Variants in LRMDA observed in about 807,000 individuals in gnomAD.
LRMDA encodes leucine-rich melanocyte differentiation-associated protein.
Under a neutral mutation model 29.8 loss-of-function variants are expected in LRMDA, and 18 were observed. That is an observed-to-expected ratio of 0.60 (90% CI 0.42 to 0.90). LRMDA has a LOEUF of 0.90. LRMDA is among the 40% of genes least tolerant of loss of function. The pLI is 0.00. For missense variants in LRMDA, 273 were observed against 273.9 expected, an observed-to-expected ratio of 1.00 and a Z score of 0.02; for synonymous variants, 125 against 109.4, an observed-to-expected ratio of 1.14 and a Z score of -0.89.
At chr10:76,396,174 T>A (rs1169571597) in intron 6 of LRMDA, among the ~76,000 whole-genome samples, 1 of 152,126 alleles carries the variant, frequency 6.6e-6, no homozygotes, top group Non-Finnish European at 1.5e-5. Flanking sequence ...GTTTCCTGTG[T>A]CAGATGATAC....
intron 2 of LRMDA, among the ~76,000 whole-genome samples, chr10:75,627,759 G>T (rs75356075): frequency 0.018 from 2,807 of 152,310 alleles, 76 homozygotes; most frequent in African/African-American, 0.064. Context: ...CTATGGGCTT[G>T]CTTCCAATCT....
At chr10:75,782,155 T>C (rs1336670425) in intron 2 of LRMDA, among the ~76,000 whole-genome samples, 1 of 152,210 alleles carries the variant, frequency 6.6e-6, no homozygotes, top group Non-Finnish European at 1.5e-5. Context: ...TCTTGAGGCT[T>C]TGTGATGGCC....
intron 5 of LRMDA, among the ~76,000 whole-genome samples, chr10:76,244,672 G>T (rs1852341967): frequency 6.6e-6 from 1 of 152,100 alleles, no homozygotes; most frequent in South Asian, 2.1e-4. Flanking sequence ...CACATGGGAG[G>T]GGAGTGCGTA....
intron 2 of LRMDA, among the ~76,000 whole-genome samples, chr10:75,473,056 G>A (rs761807672): frequency 1.1e-4 from 16 of 152,232 alleles, no homozygotes; most frequent in Non-Finnish European, 1.9e-4. Flanking sequence ...CAGTTCTAGA[G>A]GTTTGCATCT....
At chr10:76,482,511 C>A (rs1056060033) in intron 6 of LRMDA, among the ~76,000 whole-genome samples, 7 of 151,876 alleles carry the variant, frequency 4.6e-5, no homozygotes, top group African/African-American at 1.4e-4. Context: ...CATGTTGTTG[C>A]ATGTAGCAGA....
At chr10:76,058,876 G>A in intron 5 of LRMDA, 93 bp downstream of exon 5, 3 of 974,982 alleles carry the variant, frequency 3.1e-6, no homozygotes, top group Non-Finnish European at 3.3e-6. Context: ...TGAGTGTTTA[G>A]AATGCAGTTG....
chr10:75,862,553 G>C (rs1844949976), intron 2 of LRMDA, among the ~76,000 whole-genome samples: 1 of 152,176 alleles, frequency 6.6e-6, no homozygotes, highest in Non-Finnish European at 1.5e-5. Flanking sequence ...ATCATTTCAA[G>C]TCATTAGGCG....
chr10:76,522,148 T>A (rs1007015686), intron 6 of LRMDA, among the ~76,000 whole-genome samples: 1 of 152,202 alleles, frequency 6.6e-6, no homozygotes, highest in Non-Finnish European at 1.5e-5. Context: ...TAAACATGTG[T>A]ATATTGAGTT....
At chr10:75,485,240 GA>G (rs1282801400) in intron 2 of LRMDA, among the ~76,000 whole-genome samples, 1 of 152,084 alleles carries the variant, frequency 6.6e-6, no homozygotes, top group Non-Finnish European at 1.5e-5. Flanking sequence ...ATAAAGTTGA[GA>G]AAAAACATCT....
chr10:76,394,811 T>C (rs1053171799), intron 6 of LRMDA, among the ~76,000 whole-genome samples: 2 of 152,220 alleles, frequency 1.3e-5, no homozygotes, highest in African/African-American at 4.8e-5. Flanking sequence ...TGGATGAGAA[T>C]GTGCCCAGGC....
intron 6 of LRMDA, among the ~76,000 whole-genome samples, chr10:76,527,933 C>T (rs186927666): frequency 6.6e-6 from 1 of 152,064 alleles, no homozygotes; most frequent in African/African-American, 2.4e-5. Flanking sequence ...GCATAAAACA[C>T]AGTGAGAAAC....
chr10:76,052,757 C>T (rs1215209227), intron 4 of LRMDA, among the ~76,000 whole-genome samples: 1 of 152,088 alleles, frequency 6.6e-6, no homozygotes, highest in Non-Finnish European at 1.5e-5. Flanking sequence ...TAAGCACCTT[C>T]CCAGGATCCC....
chr10:76,304,514 C>G (rs967994147), intron 5 of LRMDA, among the ~76,000 whole-genome samples: 1 of 152,110 alleles, frequency 6.6e-6, no homozygotes, highest in Admixed American at 6.5e-5. Context: ...TGCCACCTGT[C>G]CAACACTGAG....
At chr10:76,174,349 C>T (rs769425820) in intron 5 of LRMDA, among the ~76,000 whole-genome samples, 10 of 151,828 alleles carry the variant, frequency 6.6e-5, no homozygotes, top group Non-Finnish European at 1.3e-4. Flanking sequence ...AAATTCTTTC[C>T]AATATCTCTT....
chr10:76,002,151 G>T (rs1314417838), intron 2 of LRMDA, among the ~76,000 whole-genome samples: 3 of 152,036 alleles, frequency 2.0e-5, no homozygotes, highest in Non-Finnish European at 4.4e-5. Context: ...TTTTTGCTGG[G>T]TCCTCACACC....
chr10:75,489,073 A>G (rs1228452953), intron 2 of LRMDA, among the ~76,000 whole-genome samples: 1 of 152,172 alleles, frequency 6.6e-6, no homozygotes, highest in African/African-American at 2.4e-5. Context: ...AGGAGCATGT[A>G]ATGCCTACTT....
chr10:75,572,889 A>G (rs574005877), intron 2 of LRMDA, among the ~76,000 whole-genome samples: 78 of 152,340 alleles, frequency 5.1e-4, no homozygotes, highest in African/African-American at 1.8e-3. Context: ...ATCTCTTTCT[A>G]TGCAAGCATA....
chr10:75,498,027 A>T lies in LRMDA; in HGVS notation c.131+59533A>T, dbSNP rs566322517. The stretch of plus-strand genomic sequence containing the variant: ...TGTTTCCTTTTCACTTCCACCAACA[A>T]AGTATTGAAGTTCTGGTTGCTCCGT... On this transcript the variant is annotated intron_variant, in intron 2 of 6. Transcript: ENST00000611255. Among the ~76,000 whole-genome samples the T allele has an allele frequency of 5.9e-5, 9 of 152,248 alleles. No homozygotes were observed. In the East Asian group the frequency reaches 1.7e-3, roughly 29 times the overall value.
chr10:76,494,643 G>A (rs1842865330), intron 6 of LRMDA, among the ~76,000 whole-genome samples: 1 of 151,258 alleles, frequency 6.6e-6, no homozygotes, highest in Non-Finnish European at 1.5e-5. Flanking sequence ...TTTCTCTACT[G>A]CTTACTTAGT....
Sources: allele counts gnomAD v4.1 joint callset (sites outside exome capture counted in the v4.1 genomes callset), GRCh38; gene constraint gnomAD v4.1.1; transcripts MANE v1.5; gene names NCBI Gene and HGNC (gene_info 2026-07-23, HGNC 2026-07-21).